The following ADAMTS12 variants were observed in gnomAD, a reference collection of about 807,000 sequenced individuals.
ADAMTS12 encodes A disintegrin and metalloproteinase with thrombospondin motifs 12.
A neutral mutation model predicts 167.8 loss-of-function variants in ADAMTS12; 118 were observed. The observed-to-expected ratio is 0.70, with a 90% CI of 0.61 to 0.82. ADAMTS12 has a LOEUF of 0.82. Among genes scored for constraint, ADAMTS12 ranks in the 40% least tolerant of loss-of-function variants. The probability of loss-of-function intolerance (pLI) is 0.00; values close to 1 mark genes in which losing one functional copy is unlikely to be tolerated. For missense variants in ADAMTS12, 1,916 were observed against 1,998.8 expected, an observed-to-expected ratio of 0.96 and a Z score of 0.79; for synonymous variants, 704 against 716.9, an observed-to-expected ratio of 0.98 and a Z score of 0.29.
chr5:33,573,348 T>C (rs1746492533), intron 19 of ADAMTS12, among the ~76,000 whole-genome samples: 1 of 152,204 alleles, frequency 6.6e-6, no homozygotes. Flanking sequence ...GACTTCAAAC[T>C]ATACTACAAG....
chr5:33,672,642 A>G lies in ADAMTS12; in HGVS notation c.915+10376T>C, dbSNP rs192367383. Among the ~76,000 whole-genome samples, 968 of 152,290 alleles carry G rather than the reference A, an allele frequency of 6.4e-3. 7 individuals are homozygous for G. The highest frequency in any genetic ancestry group is 0.027 in the South Asian group (132 of 4,824). ...TCAATCACCAGTTTGAAAATCTTACATTCCAATCTACGTGTGTCTGTTTCG... is the reference window on the plus strand; with the variant it reads ...TCAATCACCAGTTTGAAAATCTTACGTTCCAATCTACGTGTGTCTGTTTCG... On this transcript the variant is annotated intron_variant, in intron 5 of 23. Coordinates refer to ENST00000504830, the MANE Select transcript of ADAMTS12 (RefSeq NM_030955.4).
At chr5:33,565,342 G>T (rs1745958822) in intron 19 of ADAMTS12, among the ~76,000 whole-genome samples, 1 of 152,134 alleles carries the variant, frequency 6.6e-6, no homozygotes, top group South Asian at 2.1e-4. Context: ...TTTGTAGAAA[G>T]TGTTTTGCCA....
At chr5:33,673,299 C>T (rs1338985249) in intron 5 of ADAMTS12, among the ~76,000 whole-genome samples, 2 of 152,084 alleles carry the variant, frequency 1.3e-5, no homozygotes, top group Admixed American at 1.3e-4. Flanking sequence ...TATTTCATTC[C>T]AAATCTCTCC....
At chr5:33,847,370 C>T (rs1226709109) in intron 2 of ADAMTS12, among the ~76,000 whole-genome samples, 5 of 152,198 alleles carry the variant, frequency 3.3e-5, no homozygotes, top group Non-Finnish European at 5.9e-5. Context: ...CGCCTGTAAT[C>T]CCAGCACTTT....
intron 12 of ADAMTS12, among the ~76,000 whole-genome samples, chr5:33,637,152 A>G (rs553486690): frequency 1.6e-4 from 24 of 152,166 alleles, no homozygotes; most frequent in Non-Finnish European, 1.9e-4. Flanking sequence ...AGTCTTAAGA[A>G]TCATCAACTG....
chr5:33,543,856 G>A (rs946139843), intron 22 of ADAMTS12, among the ~76,000 whole-genome samples: 8 of 152,132 alleles, frequency 5.3e-5, no homozygotes, highest in Non-Finnish European at 7.4e-5. Context: ...CTGATGGAAC[G>A]TATCTCAAAA....
chr5:33,746,110 A>G (rs1561249038), intron 3 of ADAMTS12, among the ~76,000 whole-genome samples: 1 of 152,242 alleles, frequency 6.6e-6, no homozygotes, highest in Non-Finnish European at 1.5e-5. Flanking sequence ...AGCACAAACT[A>G]CTGTGAAGCC....
At chr5:33,850,673 A>G (rs1364712061) in intron 2 of ADAMTS12, among the ~76,000 whole-genome samples, 2 of 152,228 alleles carry the variant, frequency 1.3e-5, no homozygotes, top group East Asian at 3.9e-4. Flanking sequence ...CTGGGCTAGG[A>G]TATTATTTCT....
intron 2 of ADAMTS12, among the ~76,000 whole-genome samples, chr5:33,820,557 C>T (rs1306634159): frequency 2.0e-5 from 3 of 151,970 alleles, no homozygotes; most frequent in Admixed American, 2.0e-4. Flanking sequence ...GAACTGAAGT[C>T]GGTTTTGACT....
intron 2 of ADAMTS12, among the ~76,000 whole-genome samples, chr5:33,851,933 A>G (rs1368156374): frequency 6.6e-6 from 1 of 152,248 alleles, no homozygotes; most frequent in African/African-American, 2.4e-5. Context: ...CCTGCTTATC[A>G]ATCAACTCTA....
intron 2 of ADAMTS12, among the ~76,000 whole-genome samples, chr5:33,778,161 T>C (rs1366847465): frequency 6.6e-6 from 1 of 152,084 alleles, no homozygotes; most frequent in Non-Finnish European, 1.5e-5. Flanking sequence ...TTCACATATA[T>C]GGAAAAAATT....
At chr5:33,665,329 G>A (rs573330321) in intron 5 of ADAMTS12, among the ~76,000 whole-genome samples, 1 of 152,212 alleles carries the variant, frequency 6.6e-6, no homozygotes, top group African/African-American at 2.4e-5. Context: ...CATGGTGACT[G>A]TCATTAATAA....
chr5:33,839,071 T>G (rs1748641498), intron 2 of ADAMTS12, among the ~76,000 whole-genome samples: 1 of 152,176 alleles, frequency 6.6e-6, no homozygotes, highest in African/African-American at 2.4e-5. Flanking sequence ...AAAACAGGTC[T>G]TTTCAAACTT....
intron 2 of ADAMTS12, among the ~76,000 whole-genome samples, chr5:33,803,364 C>T (rs922830953): frequency 2.0e-5 from 3 of 152,216 alleles, no homozygotes; most frequent in East Asian, 1.9e-4. Context: ...ATTAAGTACA[C>T]GCTATACACA....
At chr5:33,869,829 T>C (rs1306690070) in intron 2 of ADAMTS12, among the ~76,000 whole-genome samples, 1 of 152,118 alleles carries the variant, frequency 6.6e-6, no homozygotes, top group East Asian at 1.9e-4. Flanking sequence ...CTGACTAAAA[T>C]TTACTAGGCA....
At chr5:33,852,524 C>T (rs146255503) in intron 2 of ADAMTS12, among the ~76,000 whole-genome samples, 15 of 152,140 alleles carry the variant, frequency 9.9e-5, no homozygotes, top group African/African-American at 3.1e-4. Flanking sequence ...CAAATGCGGC[C>T]GTTTAGTATG....
chr5:33,582,684 A>G (rs768105195), intron 18 of ADAMTS12, among the ~76,000 whole-genome samples: 4 of 152,212 alleles, frequency 2.6e-5, no homozygotes, highest in Non-Finnish European at 4.4e-5. Flanking sequence ...TGTCAGGCGC[A>G]GGAAGGGCCA....
chr5:33,609,302 G>T, intron 16 of ADAMTS12, among the ~76,000 whole-genome samples: 1 of 151,330 alleles, frequency 6.6e-6, no homozygotes, highest in Non-Finnish European at 1.5e-5. Flanking sequence ...AGTATTTTTA[G>T]TTAAGACACC....
At chr5:33,840,971 G>A (rs1240549685) in intron 2 of ADAMTS12, among the ~76,000 whole-genome samples, 4 of 152,218 alleles carry the variant, frequency 2.6e-5, no homozygotes, top group Non-Finnish European at 4.4e-5. Context: ...AAGCATTCCA[G>A]TCCTGCTGAA....
Sources: gnomAD v4.1 joint callset for allele counts (sites outside exome capture counted in the v4.1 genomes callset) on GRCh38, gnomAD v4.1.1 for gene constraint, MANE v1.5 for transcripts, NCBI Gene and HGNC (gene_info 2026-07-23, HGNC 2026-07-21) for gene names.